The following JAM2 variants were observed in gnomAD, a reference collection of about 807,000 sequenced individuals.
JAM2 encodes the protein junctional adhesion molecule 2.
In JAM2, 17 loss-of-function variants were observed where a neutral mutation model predicts 42.0. That is an observed-to-expected ratio of 0.40 (90% CI 0.28 to 0.61). The LOEUF (loss-of-function observed/expected upper bound fraction) is 0.61. Ranked by LOEUF, JAM2 falls within the 20% of genes least tolerant of loss-of-function variation. JAM2 has a pLI of 0.37. For synonymous variants in JAM2, 118 were observed against 128.6 expected (o/e 0.92, Z 0.56); for missense variants, 319 against 358.3 (o/e 0.89, Z 0.89).
chr21:25,698,829 T>C lies in JAM2; in HGVS notation c.547T>C (p.Ser183Pro). 6.2e-7 allele frequency: 1 copy of C among 1,614,144 alleles called. No homozygotes were observed. Among genetic ancestry groups the C allele is most frequent in the Non-Finnish European group, 8.5e-7 (1 of 1,180,020 alleles). ...TTTGCTAGAAAATCCCAGACTTGGC[T>C]CCCAAAGCACCAACAGCTCATACAC... is the stretch of plus-strand genomic sequence containing the variant. Reference protein sequence around the residue: ...IRLLENPRLGSQSTNSSYTMN... With the variant: ...IRLLENPRLGPQSTNSSYTMN... Residue 183 changes from serine (S) to proline (P), a missense_variant, in exon 5 of 10, where the codon TCC becomes CCC. By Grantham distance (74) the Ser-to-Pro change is moderately conservative. Coordinates refer to ENST00000480456, the MANE Select transcript of JAM2 (RefSeq NM_021219.4).
At chr21:25,665,361 G>T (rs1815186215) in intron 1 of JAM2, among the ~76,000 whole-genome samples, 1 of 152,118 alleles carries the variant, frequency 6.6e-6, no homozygotes, top group South Asian at 2.1e-4. Context: ...AGACTGTATT[G>T]CCAGACCTCC....
chr21:25,664,943 G>GA (rs1324358914), intron 1 of JAM2, among the ~76,000 whole-genome samples: 51 of 152,178 alleles, frequency 3.4e-4, no homozygotes, highest in African/African-American at 1.1e-3. Context: ...GAAGATGCAG[G>GA]AAAAGAACGT....
chr21:25,707,737 G>A (rs1211451407), intron 7 of JAM2, among the ~76,000 whole-genome samples: 1 of 152,076 alleles, frequency 6.6e-6, no homozygotes, highest in Non-Finnish European at 1.5e-5. Flanking sequence ...AGGGCCACTG[G>A]CAATAGTGTG....
At chr21:25,683,848 T>C (rs779762751) in intron 1 of JAM2, 35 bp from the exon 2 acceptor site, 2 of 1,463,858 alleles carry the variant, frequency 1.4e-6, no homozygotes, top group Admixed American at 3.6e-5. Flanking sequence ...AACTTTTGTA[T>C]AATTTTAATT....
intron 1 of JAM2, among the ~76,000 whole-genome samples, chr21:25,650,184 T>G (rs2032733647): frequency 6.6e-6 from 1 of 152,260 alleles, no homozygotes. Context: ...ACATGAATTC[T>G]GAGGAACACA....
intron 1 of JAM2, among the ~76,000 whole-genome samples, chr21:25,648,450 TTGTGTGTGTG>T (rs61479815): frequency 2.0e-5 from 3 of 148,384 alleles, no homozygotes; most frequent in Non-Finnish European, 3.0e-5. Context: ...TGCCGTGTGT[TTGTGTGTGTG>T]TGTGTGTGTG....
intron 2 of JAM2, 143 bp downstream of exon 2, chr21:25,684,091 C>T: frequency 3.9e-6 from 2 of 517,418 alleles, no homozygotes; most frequent in Non-Finnish European, 6.7e-6. Context: ...TTCATGCTGA[C>T]TCCACCTCAA....
Position 25,655,180 on chromosome 21 carries a change from TGTA to T in JAM2, c.67+15296_67+15298del, listed in dbSNP as rs1351967780. Among the ~76,000 whole-genome samples the T allele has an allele frequency of 3.2e-4, 48 of 152,248 alleles. 1 individual carries two copies. Among genetic ancestry groups the T allele is most frequent in the African/African-American group, 1.4e-4 (6 of 41,558 alleles). On this transcript the variant is annotated intron_variant, in intron 1 of 9. Coordinates refer to ENST00000480456, the MANE Select transcript of JAM2 (RefSeq NM_021219.4). ...CTTTAATATTCTTCAATAAAGTAAATGTAGTAAACATGATAAAATCTTTATAAC... is the reference window on the plus strand; with the variant it reads ...CTTTAATATTCTTCAATAAAGTAAATGTAAACATGATAAAATCTTTATAAC...
At chr21:25,687,819 A>C (rs1407724625) in intron 2 of JAM2, among the ~76,000 whole-genome samples, 1 of 152,182 alleles carries the variant, frequency 6.6e-6, no homozygotes, top group Admixed American at 6.5e-5. Context: ...AATAAGGTGA[A>C]CTCTGGCTAC....
intron 3 of JAM2, among the ~76,000 whole-genome samples, chr21:25,693,163 A>G (rs141658745): frequency 1.3e-5 from 2 of 152,380 alleles, no homozygotes; most frequent in African/African-American, 2.4e-5. Flanking sequence ...AAGGTTGAAC[A>G]TAGGCATTAC....
intron 1 of JAM2, among the ~76,000 whole-genome samples, chr21:25,681,672 C>A (rs1156506760): frequency 6.6e-6 from 1 of 152,158 alleles, no homozygotes; most frequent in Non-Finnish European, 1.5e-5. Flanking sequence ...TGTATACTTA[C>A]AATACTTTCC....
chr21:25,706,046 C>T lies in JAM2; in HGVS notation c.765C>T (p.Gly255=), dbSNP rs377288623. ...VVVALVISVC[G]LGVCYAQRKG... ...TGGCCTTAGTGATTTCCGTTTGTGG[C>T]CTTGGTGTATGCTATGCTCAGAGGA... The change falls in exon 7 of 10, where the codon GGC becomes GGT. Residue 255 remains glycine, a synonymous_variant. Coordinates refer to ENST00000480456, the MANE Select transcript of JAM2 (RefSeq NM_021219.4). 2.5e-6 allele frequency: 4 copies of T among 1,613,538 alleles called. No individual in the cohort carries two copies. In the African/African-American group the frequency reaches 4.0e-5, roughly 16 times the overall value.
chr21:25,672,123 T>C (rs999451405), intron 1 of JAM2, among the ~76,000 whole-genome samples: 2 of 152,064 alleles, frequency 1.3e-5, no homozygotes, highest in Non-Finnish European at 2.9e-5. Flanking sequence ...TTCTTTCTTT[T>C]TTTTTTTGTT....
chr21:25,654,328 C>T (rs963383809), intron 1 of JAM2, among the ~76,000 whole-genome samples: 1 of 152,124 alleles, frequency 6.6e-6, no homozygotes, highest in Non-Finnish European at 1.5e-5. Flanking sequence ...TCACCTGAAA[C>T]ACTGATTAAT....
intron 8 of JAM2, among the ~76,000 whole-genome samples, chr21:25,710,671 A>G (rs1448226118): frequency 6.6e-6 from 1 of 152,222 alleles, no homozygotes. Context: ...GGTGGCTGGA[A>G]CAGAATGAGA....
intron 8 of JAM2, among the ~76,000 whole-genome samples, chr21:25,710,652 C>T (rs890263151): frequency 3.9e-5 from 6 of 152,178 alleles, no homozygotes; most frequent in South Asian, 2.1e-4. Flanking sequence ...GGGATGTCAG[C>T]GGGACCAGGG....
intron 1 of JAM2, among the ~76,000 whole-genome samples, chr21:25,670,929 G>A (rs750610820): frequency 1.3e-5 from 2 of 152,190 alleles, no homozygotes; most frequent in Non-Finnish European, 2.9e-5. Flanking sequence ...CAATGGCTGG[G>A]AAGTTTCCCT....
intron 1 of JAM2, 101 bp downstream of exon 1, chr21:25,639,989 G>A (rs1374296074): frequency 3.7e-6 from 3 of 807,512 alleles, no homozygotes; most frequent in African/African-American, 3.7e-5. Flanking sequence ...GGCGGCTCTG[G>A]GCCGAGGTCG....
chr21:25,693,679 T>A (rs2033931799), intron 3 of JAM2, 77 bp from the exon 4 acceptor site: 2 of 1,184,130 alleles, frequency 1.7e-6, no homozygotes, highest in Non-Finnish European at 2.4e-6. Flanking sequence ...GGTTACTAAA[T>A]GAACTGATTA....
Sources: gnomAD v4.1 joint callset for allele counts (sites outside exome capture counted in the v4.1 genomes callset) on GRCh38, gnomAD v4.1.1 for gene constraint, MANE v1.5 for transcripts, NCBI Gene and HGNC (gene_info 2026-07-23, HGNC 2026-07-21) for gene names.